ROBO1: variants seen among roughly 807,000 people sequenced by gnomAD.
ROBO1 encodes roundabout guidance receptor 1.
A neutral mutation model predicts 195.9 loss-of-function variants in ROBO1; 149 were observed. That is an observed-to-expected ratio of 0.76 (90% CI 0.67 to 0.87). ROBO1 has a LOEUF of 0.87. Ranked by LOEUF, ROBO1 falls within the 40% of genes least tolerant of loss-of-function variation. The probability of loss-of-function intolerance (pLI) is 0.00; values close to 1 mark genes in which losing one functional copy is unlikely to be tolerated. For missense variants in ROBO1, 1,933 were observed against 2,068.3 expected (o/e 0.93, Z 1.27); for synonymous variants, 816 against 733.2 (o/e 1.11, Z -1.82).
chr3:79,585,518 G>C (rs937748489), intron 2 of ROBO1, among the ~76,000 whole-genome samples: 4 of 151,908 alleles, frequency 2.6e-5, no homozygotes, highest in African/African-American at 9.7e-5. Flanking sequence ...AAACCAAAGC[G>C]AAATAAACCA....
chr3:79,575,477 AATAT>A (rs1183393155), intron 2 of ROBO1, among the ~76,000 whole-genome samples: 1 of 135,884 alleles, frequency 7.4e-6, no homozygotes, highest in African/African-American at 2.7e-5. Flanking sequence ...TACATATATA[AATAT>A]ATATAACAAA....
chr3:79,535,119 A>G (rs374879917), intron 2 of ROBO1, among the ~76,000 whole-genome samples: 12 of 152,200 alleles, frequency 7.9e-5, no homozygotes, highest in African/African-American at 2.9e-4. Context: ...AAACAGTTAC[A>G]GAAGAATTAT....
At chr3:79,614,889 T>C (rs1236083926) in intron 1 of ROBO1, among the ~76,000 whole-genome samples, 1 of 152,066 alleles carries the variant, frequency 6.6e-6, no homozygotes, top group African/African-American at 2.4e-5. Flanking sequence ...CCAATTATAA[T>C]CATGGACATT....
chr3:79,715,002 A>G (rs1451888510), intron 1 of ROBO1, among the ~76,000 whole-genome samples: 1 of 152,008 alleles, frequency 6.6e-6, no homozygotes, highest in Non-Finnish European at 1.5e-5. Flanking sequence ...GTATAATAAT[A>G]ATAAAATTTT....
At chr3:79,025,571 A>G (rs2108287680) in intron 3 of ROBO1, among the ~76,000 whole-genome samples, 1 of 152,280 alleles carries the variant, frequency 6.6e-6, no homozygotes, top group South Asian at 2.1e-4. Flanking sequence ...ATGCTTCTTT[A>G]GTTAACTATT....
chr3:79,533,706 T>C (rs1390918776), intron 2 of ROBO1, among the ~76,000 whole-genome samples: 1 of 152,160 alleles, frequency 6.6e-6, no homozygotes, highest in Non-Finnish European at 1.5e-5. Context: ...TAATCATTAA[T>C]ATATTTTAAT....
chr3:79,442,878 CT>C (rs1559902887), intron 2 of ROBO1, among the ~76,000 whole-genome samples: 1 of 152,020 alleles, frequency 6.6e-6, no homozygotes, highest in South Asian at 2.1e-4. Context: ...ATGCAGGGTA[CT>C]TTTTATTGTA....
intron 4 of ROBO1, among the ~76,000 whole-genome samples, chr3:78,893,807 A>T (rs536268335): frequency 6.6e-6 from 1 of 152,252 alleles, no homozygotes; most frequent in East Asian, 1.9e-4. Flanking sequence ...CATTTTTATG[A>T]TAGATTTTCC....
At chr3:79,200,316 A>G (rs1035918782) in intron 2 of ROBO1, among the ~76,000 whole-genome samples, 1 of 151,886 alleles carries the variant, frequency 6.6e-6, no homozygotes, top group African/African-American at 2.4e-5. Context: ...TATTACATAA[A>G]AATGTATTTG....
chr3:78,758,525 CAAAAAA>C (rs5850391), intron 4 of ROBO1, among the ~76,000 whole-genome samples: 44 of 85,282 alleles, frequency 5.2e-4, no homozygotes, highest in Middle Eastern at 8.1e-3. Flanking sequence ...GACCCTATCT[CAAAAAA>C]AAAAAAAAAA....
chr3:79,256,787 A>T (rs945409458), intron 2 of ROBO1, among the ~76,000 whole-genome samples: 8 of 152,166 alleles, frequency 5.3e-5, no homozygotes, highest in Non-Finnish European at 1.0e-4. Flanking sequence ...TTTAAAAGCA[A>T]AAATAGATAT....
chr3:79,551,678 A>C (rs954789026), intron 2 of ROBO1, among the ~76,000 whole-genome samples: 1 of 152,074 alleles, frequency 6.6e-6, no homozygotes, highest in Non-Finnish European at 1.5e-5. Flanking sequence ...TGTATCTAGC[A>C]AATGTCAGCA....
intron 2 of ROBO1, among the ~76,000 whole-genome samples, chr3:79,389,678 C>T (rs140861634): frequency 4.6e-4 from 70 of 152,094 alleles, no homozygotes; most frequent in African/African-American, 1.6e-3. Flanking sequence ...CATCCATGAT[C>T]CAATTTTGGA....
At chr3:79,026,794 C>A (rs1293941112) in intron 3 of ROBO1, among the ~76,000 whole-genome samples, 2 of 152,022 alleles carry the variant, frequency 1.3e-5, no homozygotes, top group African/African-American at 4.8e-5. Flanking sequence ...CTGAATGACA[C>A]CCTCCATAGC....
intron 1 of ROBO1, among the ~76,000 whole-genome samples, chr3:79,664,529 C>T (rs1423108936): frequency 6.6e-6 from 1 of 151,990 alleles, no homozygotes; most frequent in Non-Finnish European, 1.5e-5. Context: ...CATCTCATTC[C>T]AGCTAAAATT....
At chr3:79,017,406 T>C (rs1224113481) in intron 3 of ROBO1, among the ~76,000 whole-genome samples, 2 of 151,554 alleles carry the variant, frequency 1.3e-5, no homozygotes, top group African/African-American at 2.4e-5. Context: ...CTGATGCAAT[T>C]TGAAGCTCAG....
At chr3:79,191,824 A>G (rs1027735890) in intron 2 of ROBO1, among the ~76,000 whole-genome samples, 1 of 151,480 alleles carries the variant, frequency 6.6e-6, no homozygotes, top group African/African-American at 2.4e-5. Context: ...TATATTCTCC[A>G]AAACATCACA....
chr3:79,631,544 C>G (rs1028588576), intron 1 of ROBO1, among the ~76,000 whole-genome samples: 1 of 151,796 alleles, frequency 6.6e-6, no homozygotes, highest in Admixed American at 6.6e-5. Context: ...TAGAAGAAAC[C>G]CTGGAAAAAA....
intron 4 of ROBO1, among the ~76,000 whole-genome samples, chr3:78,902,735 C>T (rs2037661305): frequency 1.3e-5 from 2 of 151,976 alleles, no homozygotes; most frequent in African/African-American, 4.8e-5. Context: ...CCCAGCTACT[C>T]GGAAGGCTTG....
Sources: gnomAD v4.1 joint callset for allele counts (sites outside exome capture counted in the v4.1 genomes callset) on GRCh38, gnomAD v4.1.1 for gene constraint, MANE v1.5 for transcripts, NCBI Gene and HGNC (gene_info 2026-07-23, HGNC 2026-07-21) for gene names.